The following SLC47A1 variants were observed in gnomAD, a reference collection of about 807,000 sequenced individuals.
The protein encoded by SLC47A1 is solute carrier family 47 member 1.
In SLC47A1, 58 loss-of-function variants were observed where a neutral mutation model predicts 65.8. That is an observed-to-expected ratio of 0.88 (90% CI 0.71 to 1.10). The LOEUF is 1.10. Among genes scored for constraint, SLC47A1 ranks in the 50% least tolerant of loss-of-function variants. The pLI, the probability that SLC47A1 is intolerant of heterozygous loss-of-function variation, is 0.00. For synonymous variants in SLC47A1, 285 were observed against 295.0 expected (o/e 0.97, Z 0.35); for missense variants, 706 against 719.2 (o/e 0.98, Z 0.21).
At chr17:19,576,300 G>A (rs1259899850) in intron 16 of SLC47A1, among the ~76,000 whole-genome samples, 2 of 146,500 alleles carry the variant, frequency 1.4e-5, no homozygotes, top group Admixed American at 7.0e-5. Flanking sequence ...TGATGTGAAC[G>A]GTCACATCTT....
chr17:19,567,690 C>G, intron 14 of SLC47A1: 1 of 178,904 alleles, frequency 5.6e-6, no homozygotes, highest in South Asian at 1.3e-4. Flanking sequence ...GCTGCAGGGT[C>G]TGCACTCACG....
chr17:19,559,946 T>C (rs1356354918), intron 10 of SLC47A1, among the ~76,000 whole-genome samples: 2 of 152,138 alleles, frequency 1.3e-5, no homozygotes, highest in African/African-American at 4.8e-5. Context: ...AGCACCCTCA[T>C]GTCGCAGAGG....
chr17:19,549,924 C>T (rs1916400453), intron 5 of SLC47A1, among the ~76,000 whole-genome samples: 1 of 152,194 alleles, frequency 6.6e-6, no homozygotes, highest in Non-Finnish European at 1.5e-5. Context: ...CAGAATCATC[C>T]ATGGAGAAGA....
At chr17:19,552,978 G>T (rs1916495877) in intron 6 of SLC47A1, among the ~76,000 whole-genome samples, 1 of 152,118 alleles carries the variant, frequency 6.6e-6, no homozygotes, top group Admixed American at 6.5e-5. Context: ...TAATGGTGAA[G>T]GTCTGTGATG....
At chr17:19,552,245 G>A (rs1916471872) in intron 6 of SLC47A1, among the ~76,000 whole-genome samples, 1 of 152,184 alleles carries the variant, frequency 6.6e-6, no homozygotes, top group Non-Finnish European at 1.5e-5. Flanking sequence ...GTCTTGCTAT[G>A]TTGCCCAGGC....
chr17:19,572,468 G>T (rs549010289), intron 15 of SLC47A1, among the ~76,000 whole-genome samples: 90 of 151,870 alleles, frequency 5.9e-4, no homozygotes, highest in African/African-American at 1.9e-3. Context: ...TGTTTTTTTT[G>T]TTGTTGTTGT....
At chr17:19,553,138 C>T (rs2152314086) in intron 6 of SLC47A1, among the ~76,000 whole-genome samples, 1 of 152,068 alleles carries the variant, frequency 6.6e-6, no homozygotes, top group South Asian at 2.1e-4. Context: ...GAGTGTAGAA[C>T]CAAAGAGAAG....
At chr17:19,541,956 C>G (rs1329160104) in intron 1 of SLC47A1, among the ~76,000 whole-genome samples, 1 of 152,122 alleles carries the variant, frequency 6.6e-6, no homozygotes, top group African/African-American at 2.4e-5. Flanking sequence ...GAAACTCTGT[C>G]CCTACTAAAA....
chr17:19,549,057 A>C (rs1351586506), intron 4 of SLC47A1, among the ~76,000 whole-genome samples: 1 of 152,192 alleles, frequency 6.6e-6, no homozygotes, highest in Non-Finnish European at 1.5e-5. Context: ...GGACAGCACC[A>C]CACAACAGGT....
chr17:19,563,427 C>T (rs944902556), intron 12 of SLC47A1, among the ~76,000 whole-genome samples: 1 of 151,826 alleles, frequency 6.6e-6, no homozygotes, highest in African/African-American at 2.4e-5. Context: ...CCACCACGCC[C>T]GGCCGAGAAA....
At chr17:19,549,705 C>T in intron 5 of SLC47A1, 28 bp downstream of exon 5, 1 of 1,613,390 alleles carries the variant, frequency 6.2e-7, no homozygotes, top group South Asian at 1.1e-5. Flanking sequence ...AAGAGATTCC[C>T]TTCTTGGGGT....
chr17:19,567,254 G>C, intron 14 of SLC47A1, 26 bp downstream of exon 14: 1 of 1,613,572 alleles, frequency 6.2e-7, no homozygotes, highest in Non-Finnish European at 8.5e-7. Flanking sequence ...TGCAGGCAGG[G>C]CTTAGCTGCT....
chr17:19,555,120 G>T, intron 6 of SLC47A1, 92 bp from the exon 7 acceptor site: 1 of 1,168,654 alleles, frequency 8.6e-7, no homozygotes, highest in Non-Finnish European at 1.3e-6. Context: ...TACCCGCTGA[G>T]CAGGCCAGCT....
intron 1 of SLC47A1, among the ~76,000 whole-genome samples, chr17:19,541,663 C>T (rs1567965725): frequency 2.0e-5 from 3 of 152,218 alleles, no homozygotes; most frequent in Non-Finnish European, 4.4e-5. Flanking sequence ...CCTCCAGCTC[C>T]TCCTGTCTAC....
intron 1 of SLC47A1, among the ~76,000 whole-genome samples, chr17:19,540,369 C>T (rs1916108307): frequency 6.6e-6 from 1 of 152,208 alleles, no homozygotes; most frequent in Non-Finnish European, 1.5e-5. Flanking sequence ...TCTGTGAACA[C>T]AACCATTTGT....
chr17:19,539,602 A>G (rs1206975576), intron 1 of SLC47A1, among the ~76,000 whole-genome samples: 2 of 152,022 alleles, frequency 1.3e-5, no homozygotes, highest in African/African-American at 4.8e-5. Flanking sequence ...CTCCTGCCTC[A>G]GCCTCCCGAG....
At chr17:19,559,857 CA>C (rs58568427) in intron 10 of SLC47A1, among the ~76,000 whole-genome samples, 11 of 146,468 alleles carry the variant, frequency 7.5e-5, no homozygotes, top group South Asian at 2.2e-4. Flanking sequence ...AAAACAAAAA[CA>C]AAAAAAAAAC....
At chr17:19,542,618 A>T in intron 2 of SLC47A1, 124 bp downstream of exon 2, 3 of 710,844 alleles carry the variant, frequency 4.2e-6, no homozygotes, top group Non-Finnish European at 6.5e-6. Flanking sequence ...ACAGTGCTGG[A>T]GTGCAGAAGT....
rs1335852709 is a variant in SLC47A1 at position 19,560,433 on chromosome 17, C to G, written c.1046C>G (p.Ala349Gly). ...TTACCTTCAGTGCTCTTTGCTGTAG[C>G]CTTCAGTGTCCTGCTGTTAAGCTGT... Reference protein sequence around the residue: ...SLLITVLFAVAFSVLLLSCKD... With the variant: ...SLLITVLFAVGFSVLLLSCKD... Residue 349 changes from alanine (A) to glycine (G), a missense_variant, in exon 12 of 17, where the codon GCC (alanine) becomes GGC (glycine). Coordinates refer to ENST00000270570, the MANE Select transcript of SLC47A1 (RefSeq NM_018242.3). 2 of 1,614,168 alleles carry G rather than the reference C, an allele frequency of 1.2e-6. No individual in the cohort carries two copies. The highest frequency in any genetic ancestry group is 1.6e-4 in the Middle Eastern group (1 of 6,062).
Sources: allele counts gnomAD v4.1 joint callset (sites outside exome capture counted in the v4.1 genomes callset), GRCh38; gene constraint gnomAD v4.1.1; transcripts MANE v1.5; gene names NCBI Gene and HGNC (gene_info 2026-07-23, HGNC 2026-07-21).